TPRG1: variants seen among roughly 807,000 people sequenced by gnomAD.
TPRG1 encodes the protein tumor protein p63 regulated 1.
In TPRG1, 29 loss-of-function variants were observed where a neutral mutation model predicts 29.3. The ratio of observed to expected loss-of-function variants is 0.99; its 90% CI spans 0.74 to 1.35. The LOEUF is 1.35. TPRG1 is among the 40% of genes most tolerant of loss of function. TPRG1 has a pLI of 0.00. For missense variants in TPRG1, 327 were observed against 335.0 expected, an observed-to-expected ratio of 0.98 and a Z score of 0.19; for synonymous variants, 130 against 116.8, an observed-to-expected ratio of 1.11 and a Z score of -0.73.
At position 189,037,042 on chromosome 3, in the gene TPRG1, C is replaced by T. The variant is rs200506806; in HGVS notation, c.-463+13096C>T. Reference sequence around the variant, plus strand: ...TATAAGTGACTTCTGAAAAAAAAAACGAAACAAATATTTAAAAAAAAAATC... The same window carrying T: ...TATAAGTGACTTCTGAAAAAAAAAATGAAACAAATATTTAAAAAAAAAATC... On this transcript the variant is annotated intron_variant, in intron 4 of 10. Transcript: ENST00000433971. Among the ~76,000 whole-genome samples, 12 of 118,942 alleles carry T rather than the reference C, an allele frequency of 1.0e-4. 2 individuals are homozygous for T. Among genetic ancestry groups the T allele is most frequent in the Admixed American group, 9.1e-4 (11 of 12,082 alleles). The allele number at this position is 118,942 out of a possible 152,430, so 78.0% of individuals were successfully genotyped here. A position where few individuals can be genotyped will look rare whatever the true frequency, so the allele number is the denominator to read the frequency against.
In TPRG1 at chr3:189,179,933, G is replaced by A. The variant is rs114960550; in HGVS notation, c.-10+7802G>A. Among the ~76,000 whole-genome samples the A allele has an allele frequency of 4.9e-3, 744 of 152,252 alleles. 6 individuals are homozygous for A. The highest frequency in any genetic ancestry group is 0.017 in the African/African-American group (708 of 41,538). Reference sequence around the variant, plus strand: ...CTGGTAAAGACACACATGAGACTGGGCAATTTATGAAAGAAAGAGGTTTAG... The same window carrying A: ...CTGGTAAAGACACACATGAGACTGGACAATTTATGAAAGAAAGAGGTTTAG... On this transcript the variant is annotated intron_variant, in intron 1 of 5. Coordinates refer to ENST00000345063, the MANE Select transcript of TPRG1 (RefSeq NM_198485.4).
intron 1 of TPRG1, among the ~76,000 whole-genome samples, chr3:189,206,554 G>T (rs1435234604): frequency 6.8e-6 from 1 of 147,424 alleles, no homozygotes; most frequent in Non-Finnish European, 1.5e-5. Flanking sequence ...AGCCTGGAGT[G>T]CAGTGGCATG....
intron 4 of TPRG1, among the ~76,000 whole-genome samples, chr3:189,065,233 T>A (rs1276665959): frequency 6.6e-6 from 1 of 152,000 alleles, no homozygotes; most frequent in African/African-American, 2.4e-5. Context: ...TACTAAAGAA[T>A]AATACCAAAC....
At chr3:189,142,207 T>C (rs1724666491) in intron 3 of TPRG1, among the ~76,000 whole-genome samples, 1 of 152,076 alleles carries the variant, frequency 6.6e-6, no homozygotes, top group Non-Finnish European at 1.5e-5. Context: ...TCCATCTTCG[T>C]GGTGATGCGA....
At chr3:189,109,128 T>C (rs1475339632) in intron 1 of TPRG1, among the ~76,000 whole-genome samples, 1 of 151,958 alleles carries the variant, frequency 6.6e-6, no homozygotes, top group Non-Finnish European at 1.5e-5. Context: ...AGTATTCCTC[T>C]GGGCTGTGTG....
At chr3:189,312,131 T>TC (rs1560689085) in intron 5 of TPRG1, among the ~76,000 whole-genome samples, 2 of 57,788 alleles carry the variant, frequency 3.5e-5, no homozygotes, top group African/African-American at 1.8e-4. Context: ...CTTTCTTTCT[T>TC]TCTTTCTTTC....
At chr3:189,210,148 G>A (rs915723338) in intron 2 of TPRG1, among the ~76,000 whole-genome samples, 2 of 151,950 alleles carry the variant, frequency 1.3e-5, no homozygotes, top group Non-Finnish European at 2.9e-5. Flanking sequence ...GGAGGGTATT[G>A]GATGTATATG....
At chr3:189,047,193 A>G (rs2152137523) in intron 4 of TPRG1, among the ~76,000 whole-genome samples, 1 of 152,302 alleles carries the variant, frequency 6.6e-6, no homozygotes, top group South Asian at 2.1e-4. Flanking sequence ...ATATACACGC[A>G]TAGGTTGGAG....
chr3:189,153,485 C>A (rs1375553313), intron 5 of TPRG1, among the ~76,000 whole-genome samples: 1 of 152,016 alleles, frequency 6.6e-6, no homozygotes, highest in Non-Finnish European at 1.5e-5. Flanking sequence ...CAATCTGAGG[C>A]AAGGTATCTT....
intron 1 of TPRG1, among the ~76,000 whole-genome samples, chr3:189,108,275 C>T (rs1720062112): frequency 6.6e-6 from 1 of 152,068 alleles, no homozygotes; most frequent in Admixed American, 6.6e-5. Context: ...GGCAGGCTGA[C>T]TTCATTTGGA....
intron 4 of TPRG1, among the ~76,000 whole-genome samples, chr3:189,295,912 T>TA (rs1719836713): frequency 6.1e-5 from 1 of 16,388 alleles, no homozygotes; most frequent in Non-Finnish European, 1.1e-4. Context: ...AAATGATGCT[T>TA]TAAAAAAAAA....
intron 4 of TPRG1, among the ~76,000 whole-genome samples, chr3:189,256,362 A>C (rs1443706951): frequency 1.3e-5 from 2 of 152,114 alleles, no homozygotes; most frequent in Non-Finnish European, 2.9e-5. Context: ...ATTTGATTAC[A>C]CCGTGGTCTG....
chr3:189,299,402 C>T lies in TPRG1; in HGVS notation c.480-10984C>T, dbSNP rs1445176220. Among the ~76,000 whole-genome samples the T allele has an allele frequency of 4.6e-5, 7 of 152,092 alleles. No homozygotes were observed. In the East Asian group the frequency reaches 5.8e-4, roughly 13 times the overall value. On this transcript the variant is annotated intron_variant, in intron 4 of 5. Transcript: ENST00000345063. ...AAGCCGTATACTATATGCATGCAAA[C>T]GTATAACTCTTTCTATCCTGGGCAT...
intron 3 of TPRG1, among the ~76,000 whole-genome samples, chr3:189,227,338 C>T (rs1397152450): frequency 1.3e-5 from 2 of 152,156 alleles, no homozygotes; most frequent in African/African-American, 4.8e-5. Context: ...ATCTCCCCCA[C>T]CTTTCCTACC....
At position 189,123,948 on chromosome 3, in the gene TPRG1, C is replaced by T. The variant is rs372458102; in HGVS notation, c.-743-3109C>T. 2.2e-3 allele frequency among the ~76,000 whole-genome samples: 329 copies of T among 152,230 alleles called. 1 individual carries two copies. Among genetic ancestry groups the T allele is most frequent in the African/African-American group, 7.8e-3 (322 of 41,538 alleles). On this transcript the variant is annotated intron_variant, in intron 1 of 6. Transcript: ENST00000412373. ...TCAAGGCTGGCAACTCACCTATTTGCCAATTAGAGGTGGTACTGCTGTATG... is the reference window on the plus strand; with the variant it reads ...TCAAGGCTGGCAACTCACCTATTTGTCAATTAGAGGTGGTACTGCTGTATG...
intron 1 of TPRG1, among the ~76,000 whole-genome samples, chr3:189,109,182 A>G (rs1720192318): frequency 6.6e-6 from 1 of 152,128 alleles, no homozygotes; most frequent in Non-Finnish European, 1.5e-5. Context: ...GGAGGAAGGG[A>G]TGAATGAAAT....
rs1352720266 is a variant in TPRG1 at position 189,300,518 on chromosome 3, T to C, written c.480-9868T>C. Among the ~76,000 whole-genome samples, 5 of 152,212 alleles carry C rather than the reference T, an allele frequency of 3.3e-5. No homozygotes were observed. In the East Asian group the frequency reaches 9.6e-4, roughly 29 times the overall value. On this transcript the variant is annotated intron_variant, in intron 4 of 5. Coordinates refer to ENST00000345063, the MANE Select transcript of TPRG1 (RefSeq NM_198485.4). ...TCTATTGTGTCTTTTTCAATCCTGT[T>C]ATATGCTTCCCACTCAGGTTTAGTG...
chr3:189,060,957 T>C (rs1464690185), intron 4 of TPRG1, among the ~76,000 whole-genome samples: 4 of 152,086 alleles, frequency 2.6e-5, no homozygotes, highest in Admixed American at 2.6e-4. Context: ...TAAAAATTCA[T>C]ATGGAACCAA....
At chr3:189,040,590 C>G (rs1714567124) in intron 4 of TPRG1, among the ~76,000 whole-genome samples, 1 of 152,126 alleles carries the variant, frequency 6.6e-6, no homozygotes, top group East Asian at 1.9e-4. Flanking sequence ...TTCTGTCCAC[C>G]ATTAAGAGTA....
Sources: allele counts gnomAD v4.1 joint callset (sites outside exome capture counted in the v4.1 genomes callset), GRCh38; gene constraint gnomAD v4.1.1; transcripts MANE v1.5; gene names NCBI Gene and HGNC (gene_info 2026-07-23, HGNC 2026-07-21).